Variants in SPHKAP observed in about 807,000 individuals in gnomAD.
SPHKAP encodes A-kinase anchor protein SPHKAP.
A neutral mutation model predicts 137.5 loss-of-function variants in SPHKAP; 67 were observed. That is an observed-to-expected ratio of 0.49 (90% CI 0.40 to 0.60). The LOEUF is 0.60. Ranked by LOEUF, SPHKAP falls within the 20% of genes least tolerant of loss-of-function variation. The probability of loss-of-function intolerance (pLI) is 0.00; values close to 1 mark genes in which losing one functional copy is unlikely to be tolerated. For missense variants in SPHKAP, 2,097 were observed against 2,069.3 expected, an observed-to-expected ratio of 1.01 and a Z score of -0.26; for synonymous variants, 813 against 785.3, an observed-to-expected ratio of 1.04 and a Z score of -0.59.
chr2:228,086,546 C>T (rs1697545324), intron 3 of SPHKAP, among the ~76,000 whole-genome samples: 1 of 152,026 alleles, frequency 6.6e-6, no homozygotes, highest in Admixed American at 6.6e-5. Context: ...ATAGGTCCTA[C>T]CGATAAGATT....
intron 1 of SPHKAP, among the ~76,000 whole-genome samples, chr2:228,143,161 C>T (rs1190208169): frequency 2.0e-5 from 3 of 152,152 alleles, no homozygotes; most frequent in African/African-American, 7.2e-5. Flanking sequence ...TCAAAAATGT[C>T]ATGGGAAAAT....
At chr2:228,161,149 A>G (rs981985026) in intron 1 of SPHKAP, among the ~76,000 whole-genome samples, 1 of 152,256 alleles carries the variant, frequency 6.6e-6, no homozygotes, top group Non-Finnish European at 1.5e-5. Context: ...GTCCAGGGAA[A>G]GCTTCACTGG....
chr2:228,030,662 A>G (rs991425926), intron 3 of SPHKAP, among the ~76,000 whole-genome samples: 1 of 151,784 alleles, frequency 6.6e-6, no homozygotes, highest in African/African-American at 2.4e-5. Flanking sequence ...GCTGGCAAAT[A>G]CTAAAAACAT....
intron 3 of SPHKAP, among the ~76,000 whole-genome samples, chr2:228,106,169 C>T (rs1473210514): frequency 6.6e-6 from 1 of 152,160 alleles, no homozygotes. Flanking sequence ...TCAATATTTT[C>T]CAAGTCTGAG....
intron 2 of SPHKAP, among the ~76,000 whole-genome samples, chr2:228,121,507 C>T (rs1340239653): frequency 1.3e-5 from 2 of 152,020 alleles, no homozygotes; most frequent in Non-Finnish European, 2.9e-5. Context: ...CAGAGCAAGA[C>T]AAAATAAAAT....
chr2:228,167,591 G>A (rs1700456020), intron 1 of SPHKAP, among the ~76,000 whole-genome samples: 1 of 152,056 alleles, frequency 6.6e-6, no homozygotes, highest in Non-Finnish European at 1.5e-5. Context: ...TTTTTGGTTT[G>A]AATTACCCAG....
intron 1 of SPHKAP, among the ~76,000 whole-genome samples, chr2:228,165,441 T>C (rs1021605661): frequency 6.6e-6 from 1 of 152,210 alleles, no homozygotes; most frequent in Non-Finnish European, 1.5e-5. Flanking sequence ...ATACATTCAG[T>C]TGAAATAACT....
chr2:228,147,875 G>A (rs554130836), intron 1 of SPHKAP, among the ~76,000 whole-genome samples: 11 of 152,284 alleles, frequency 7.2e-5, no homozygotes, highest in African/African-American at 2.4e-4. Flanking sequence ...CTCAGGCTTA[G>A]CATTTACTCA....
At chr2:228,158,485 G>T (rs1358940245) in intron 1 of SPHKAP, among the ~76,000 whole-genome samples, 1 of 152,030 alleles carries the variant, frequency 6.6e-6, no homozygotes, top group Non-Finnish European at 1.5e-5. Context: ...AGTATGAAAG[G>T]TCAAAGTCTG....
At chr2:228,052,098 G>A (rs1021441948) in intron 3 of SPHKAP, among the ~76,000 whole-genome samples, 10 of 152,128 alleles carry the variant, frequency 6.6e-5, no homozygotes, top group Non-Finnish European at 1.0e-4. Context: ...AAAAGGTGGT[G>A]TGGATTTGAA....
chr2:228,132,843 C>CAAAAAAAAG (rs1553545975), intron 1 of SPHKAP, among the ~76,000 whole-genome samples: 12 of 126,268 alleles, frequency 9.5e-5, no homozygotes, highest in African/African-American at 1.4e-4. Flanking sequence ...ACTAAAAATA[C>CAAAAAAAAG]AAAAAAAAAA....
At chr2:228,161,869 C>G (rs1700286069) in intron 1 of SPHKAP, among the ~76,000 whole-genome samples, 1 of 152,172 alleles carries the variant, frequency 6.6e-6, no homozygotes, top group Non-Finnish European at 1.5e-5. Context: ...ATGTGGTAAT[C>G]AGTTGAAATG....
At position 228,018,628 on chromosome 2, in the gene SPHKAP, G is replaced by C; in HGVS notation, c.2226C>G (p.Ile742Met). The C allele has an allele frequency of 6.2e-7, 1 of 1,614,070 alleles. No individual in the cohort carries two copies. Among genetic ancestry groups the C allele is most frequent in the Non-Finnish European group, 8.5e-7 (1 of 1,180,016 alleles). ...AGCTTGGTTCTGTCTCCCTCCTTCT[G>C]ATGGTCTCCTTAGAAAGGACAGCAG... ...ECPAVLSKET[I>M]RRRETEPSCQ... Residue 742 changes from isoleucine (I) to methionine (M), a missense_variant, in exon 7 of 12, where the codon ATC becomes ATG. Physicochemically the swap from Ile to Met is conservative, Grantham distance 10 (BLOSUM62 1). Transcript: ENST00000392056.
At chr2:228,097,735 C>T (rs1698031797) in intron 3 of SPHKAP, among the ~76,000 whole-genome samples, 1 of 152,170 alleles carries the variant, frequency 6.6e-6, no homozygotes, top group Non-Finnish European at 1.5e-5. Context: ...GTTTAGCTCC[C>T]ACTTCTAAGT....
At chr2:228,006,008 A>G (rs1395193102) in intron 7 of SPHKAP, among the ~76,000 whole-genome samples, 3 of 152,046 alleles carry the variant, frequency 2.0e-5, no homozygotes, top group East Asian at 1.9e-4. Context: ...GAATGTGACA[A>G]TTATGTGTCT....
At chr2:228,155,634 G>A (rs6729031) in intron 1 of SPHKAP, among the ~76,000 whole-genome samples, 8,541 of 152,152 alleles carry the variant, frequency 0.056, 804 homozygotes, top group African/African-American at 0.19. Context: ...CATTGGCATA[G>A]CAGGTTTATG....
rs375256684 is a variant in SPHKAP at position 228,086,369 on chromosome 2, G to A, written c.246+22463C>T. Among the ~76,000 whole-genome samples, 4 of 152,126 alleles carry A rather than the reference G, an allele frequency of 2.6e-5. No homozygotes were observed. In the East Asian group the frequency reaches 7.7e-4, roughly 29 times the overall value. On this transcript the variant is annotated intron_variant, in intron 3 of 11. Coordinates refer to ENST00000392056, the MANE Select transcript of SPHKAP (RefSeq NM_001142644.2). ...ACAACTTGACAGAAGCTCCATTTGG[G>A]CATCTAAGAAGGTGGTGCTTTCTCT...
chr2:228,038,377 T>C (rs1350354960), intron 3 of SPHKAP, among the ~76,000 whole-genome samples: 2 of 152,140 alleles, frequency 1.3e-5, no homozygotes, highest in African/African-American at 4.8e-5. Flanking sequence ...TATTTTTTTT[T>C]GCAGGGGCAG....
intron 7 of SPHKAP, among the ~76,000 whole-genome samples, chr2:228,002,483 G>T (rs1693947829): frequency 6.6e-6 from 1 of 152,114 alleles, no homozygotes. Context: ...TGTCAGATGA[G>T]TAGATTGCAA....
Sources: gnomAD v4.1 joint callset for allele counts (sites outside exome capture counted in the v4.1 genomes callset) on GRCh38, gnomAD v4.1.1 for gene constraint, MANE v1.5 for transcripts, NCBI Gene and HGNC (gene_info 2026-07-23, HGNC 2026-07-21) for gene names.